The following IL1RAP variants were observed in gnomAD, a reference collection of about 807,000 sequenced individuals.
IL1RAP encodes the protein interleukin-1 receptor accessory protein.
IL1RAP carries 35 observed loss-of-function variants against 60.7 expected under a neutral mutation model. The observed-to-expected ratio is 0.58, with a 90% CI of 0.44 to 0.76. The LOEUF is 0.76. Ranked by LOEUF, IL1RAP falls within the 30% of genes least tolerant of loss-of-function variation. The pLI is 0.00. For missense variants in IL1RAP, 572 were observed against 693.9 expected, an observed-to-expected ratio of 0.82 and a Z score of 1.97; for synonymous variants, 268 against 250.9, an observed-to-expected ratio of 1.07 and a Z score of -0.64.
intron 9 of IL1RAP, among the ~76,000 whole-genome samples, chr3:190,635,911 T>C (rs1315617707): frequency 6.6e-6 from 1 of 152,206 alleles, no homozygotes; most frequent in Non-Finnish European, 1.5e-5. Flanking sequence ...GCTGGCTGTG[T>C]ATATGAACTA....
At chr3:190,534,913 T>TAAAAA (rs77663032) in intron 1 of IL1RAP, among the ~76,000 whole-genome samples, 2 of 127,528 alleles carry the variant, frequency 1.6e-5, no homozygotes, top group African/African-American at 6.0e-5. Context: ...GTAAGAGAAT[T>TAAAAA]AAAAAAAAAA....
chr3:190,654,349 G>C (rs1734535812), downstream of IL1RAP, among the ~76,000 whole-genome samples: 1 of 152,110 alleles, frequency 6.6e-6, no homozygotes, highest in Non-Finnish European at 1.5e-5. Flanking sequence ...ATTTATGAGA[G>C]GCAGCCTCTT....
chr3:190,531,702 C>T (rs1013351126), intron 1 of IL1RAP, among the ~76,000 whole-genome samples: 8 of 152,194 alleles, frequency 5.3e-5, no homozygotes, highest in African/African-American at 1.9e-4. Flanking sequence ...CAACAGCCAG[C>T]AGCAAGTGAA....
At chr3:190,627,279 GTT>G (rs869147319) in intron 7 of IL1RAP, 42 bp from the exon 8 acceptor site, 2 of 1,439,408 alleles carry the variant, frequency 1.4e-6, no homozygotes, top group East Asian at 4.7e-5. Flanking sequence ...GTTTTGTTTT[GTT>G]TTGTTTTTTG....
At chr3:190,598,482 T>A (rs1729576143) in intron 3 of IL1RAP, among the ~76,000 whole-genome samples, 1 of 152,162 alleles carries the variant, frequency 6.6e-6, no homozygotes, top group African/African-American at 2.4e-5. Context: ...CCAACTGTAT[T>A]ACCTAGTGGA....
At chr3:190,582,073 G>T (rs1728043611) in intron 3 of IL1RAP, among the ~76,000 whole-genome samples, 1 of 152,184 alleles carries the variant, frequency 6.6e-6, no homozygotes, top group African/African-American at 2.4e-5. Flanking sequence ...GGTGATTTGG[G>T]CAAGCTACTT....
intron 2 of IL1RAP, among the ~76,000 whole-genome samples, chr3:190,556,971 C>T (rs2108608234): frequency 6.6e-6 from 1 of 152,270 alleles, no homozygotes; most frequent in South Asian, 2.1e-4. Context: ...TCTATCATTC[C>T]CCAGCCTCAG....
At chr3:190,616,609 G>A (rs1252688004) in intron 5 of IL1RAP, among the ~76,000 whole-genome samples, 1 of 152,120 alleles carries the variant, frequency 6.6e-6, no homozygotes, top group Admixed American at 6.6e-5. Context: ...TATCTTGAAT[G>A]CAAAAACTTC....
At chr3:190,553,363 C>G (rs1242041199) in intron 1 of IL1RAP, among the ~76,000 whole-genome samples, 1 of 152,164 alleles carries the variant, frequency 6.6e-6, no homozygotes, top group Non-Finnish European at 1.5e-5. Context: ...AAAAGGAAAA[C>G]ACAAACAAAA....
chr3:190,553,738 C>T (rs112812812), intron 1 of IL1RAP, among the ~76,000 whole-genome samples: 128 of 152,294 alleles, frequency 8.4e-4, no homozygotes, highest in African/African-American at 3.0e-3. Context: ...CCTCTAGCCT[C>T]AGAAGTCTGA....
intron 7 of IL1RAP, among the ~76,000 whole-genome samples, chr3:190,626,949 T>A (rs1181175165): frequency 6.6e-6 from 1 of 152,122 alleles, no homozygotes; most frequent in Non-Finnish European, 1.5e-5. Flanking sequence ...GGATTACAGG[T>A]GTGAGCCACT....
intron 1 of IL1RAP, among the ~76,000 whole-genome samples, chr3:190,533,074 G>A (rs1320901306): frequency 1.3e-5 from 2 of 152,160 alleles, no homozygotes; most frequent in African/African-American, 4.8e-5. Context: ...ATGACGTTAT[G>A]GAAATGCTGC....
At position 190,577,494 on chromosome 3, in the gene IL1RAP, G is replaced by A. The variant is rs1445975469; in HGVS notation, c.64+13141G>A. Among the ~76,000 whole-genome samples the A allele has an allele frequency of 3.3e-5, 5 of 152,280 alleles. No homozygotes were observed. The South Asian group carries it at 8.3e-4, about 25-fold the overall frequency. On this transcript the variant is annotated intron_variant, in intron 3 of 11. Transcript: ENST00000447382. ...TCAACCCCCGGCTGTTTACCAGCAC[G>A]CCACTCTGGTCATGCATGTGTAAGC... is the stretch of plus-strand genomic sequence containing the variant.
In IL1RAP at chr3:190,627,459, G is replaced by A. The variant is rs774913359; in HGVS notation, c.902+10G>A. 6.2e-7 allele frequency: 1 copy of A among 1,607,600 alleles called. No individual in the cohort carries two copies. Among genetic ancestry groups the A allele is most frequent in the Non-Finnish European group, 8.5e-7 (1 of 1,177,668 alleles). ...TCACCATTAACGAAAGGTATCATGGGGGCCAGCAAGGGAGTGATTAACCTT... is the reference window on the plus strand; with the variant it reads ...TCACCATTAACGAAAGGTATCATGGAGGCCAGCAAGGGAGTGATTAACCTT... On this transcript the variant is annotated intron_variant, in intron 8 of 11. Coordinates refer to ENST00000447382, the MANE Select transcript of IL1RAP (RefSeq NM_002182.4).
intron 7 of IL1RAP, chr3:190,624,489 G>A (rs1732058183): frequency 6.6e-6 from 1 of 152,178 alleles, no homozygotes; most frequent in South Asian, 2.1e-4. Context: ...TTTCTTTGGA[G>A]TGTGACACGA....
downstream of IL1RAP, among the ~76,000 whole-genome samples, chr3:190,652,664 A>C (rs1366173726): frequency 1.3e-5 from 2 of 152,188 alleles, no homozygotes. Flanking sequence ...AGAGTTCGAC[A>C]CTAATGGAAT....
At chr3:190,558,049 T>C (rs1305121768) in intron 2 of IL1RAP, among the ~76,000 whole-genome samples, 1 of 152,152 alleles carries the variant, frequency 6.6e-6, no homozygotes, top group African/African-American at 2.4e-5. Flanking sequence ...CCTATTAAGG[T>C]TGGTTTATTT....
At chr3:190,572,855 C>CTTTTTTTTTTTTTTTTTTTTTTTTT (rs1337681913) in intron 3 of IL1RAP, among the ~76,000 whole-genome samples, 1 of 57,594 alleles carries the variant, frequency 1.7e-5, no homozygotes, top group Non-Finnish European at 3.3e-5. Flanking sequence ...AGGGTTAATG[C>CTTTTTTTTTTTTTTTTTTTTTTTTT]TTTGTTTTTT....
chr3:190,650,189 T>A lies in IL1RAP; in HGVS notation c.*1484T>A. On this transcript the variant is annotated 3_prime_UTR_variant, in exon 12 of 12. Coordinates refer to ENST00000447382, the MANE Select transcript of IL1RAP (RefSeq NM_002182.4). ...AAATTATGTTTTTACTGGAATGTTT[T>A]TGTGTCAGTGTTTTCTGTACATATT... 2 of 984,484 alleles carry A rather than the reference T, an allele frequency of 2.0e-6. No individual in the cohort carries two copies. Among genetic ancestry groups the A allele is most frequent in the Non-Finnish European group, 2.4e-6 (2 of 829,092 alleles). 61.0% of individuals were successfully genotyped at this position (984,484 alleles called of 1,614,324 possible). A position where few individuals can be genotyped will look rare whatever the true frequency, so the allele number is the denominator to read the frequency against.
Sources: gnomAD v4.1 joint callset for allele counts (sites outside exome capture counted in the v4.1 genomes callset) on GRCh38, gnomAD v4.1.1 for gene constraint, MANE v1.5 for transcripts, NCBI Gene and HGNC (gene_info 2026-07-23, HGNC 2026-07-21) for gene names.